The following CDYL variants were observed in gnomAD, a reference collection of about 807,000 sequenced individuals.
The protein encoded by CDYL is chromodomain Y like.
CDYL carries 8 observed loss-of-function variants against 47.3 expected under a neutral mutation model. The ratio of observed to expected loss-of-function variants is 0.17; its 90% CI spans 0.10 to 0.31. CDYL has a LOEUF of 0.31. Among genes scored for constraint, CDYL ranks in the 10% least tolerant of loss-of-function variants. The probability of loss-of-function intolerance (pLI) is 1.00; values close to 1 mark genes in which losing one functional copy is unlikely to be tolerated. For missense variants in CDYL, 471 were observed against 701.4 expected (o/e 0.67, Z 3.71); for synonymous variants, 266 against 265.0 (o/e 1.00, Z -0.04).
intron 5 of CDYL, 53 bp from the exon 6 acceptor site, chr6:4,952,213 C>G (rs547583330): frequency 1.3e-6 from 2 of 1,582,976 alleles, no homozygotes; most frequent in Non-Finnish European, 1.7e-6. Context: ...GATGGGTCTT[C>G]CCCGCCCGCC....
chr6:4,760,902 G>A (rs62384843), intron 3 of CDYL, among the ~76,000 whole-genome samples: 4 of 150,478 alleles, frequency 2.7e-5, no homozygotes, highest in Admixed American at 6.6e-5. Flanking sequence ...ACTCCCAGCC[G>A]CATCCCAACC....
intron 1 of CDYL, among the ~76,000 whole-genome samples, chr6:4,810,433 C>A (rs1035993709): frequency 1.3e-5 from 2 of 152,166 alleles, no homozygotes; most frequent in South Asian, 4.1e-4. Context: ...GTCAGAGTTA[C>A]TTTCAGATTT....
chr6:4,764,358 C>T (rs987322023), intron 3 of CDYL, among the ~76,000 whole-genome samples: 3 of 152,052 alleles, frequency 2.0e-5, no homozygotes, highest in South Asian at 2.1e-4. Context: ...GGCATGATCT[C>T]GGCTCACTGC....
At chr6:4,731,964 ATATAT>A (rs1307813434) in intron 2 of CDYL, among the ~76,000 whole-genome samples, 38 of 152,188 alleles carry the variant, frequency 2.5e-4, no homozygotes, top group Admixed American at 2.5e-3. Context: ...TTATTTTATA[ATATAT>A]TCTCTTGTAT....
intron 1 of CDYL, among the ~76,000 whole-genome samples, chr6:4,820,805 TG>T (rs2127448417): frequency 6.6e-6 from 1 of 152,270 alleles, no homozygotes; most frequent in Admixed American, 6.5e-5. Context: ...AAAACGCCTG[TG>T]AAAATAGAAA....
chr6:4,837,940 A>ATT (rs61308950), intron 1 of CDYL, among the ~76,000 whole-genome samples: 290 of 141,922 alleles, frequency 2.0e-3, no homozygotes, highest in African/African-American at 6.7e-3. Flanking sequence ...AACCCAGCTA[A>ATT]TTTTTTTTTT....
chr6:4,737,596 G>A (rs928068302), intron 3 of CDYL, among the ~76,000 whole-genome samples: 66 of 151,302 alleles, frequency 4.4e-4, no homozygotes, highest in African/African-American at 1.5e-3. Context: ...GCAGTGAGCC[G>A]TGATCATGTT....
At chr6:4,735,741 G>A (rs539268150) in intron 3 of CDYL, among the ~76,000 whole-genome samples, 16 of 152,140 alleles carry the variant, frequency 1.1e-4, no homozygotes, top group African/African-American at 3.6e-4. Context: ...ACTCTAGCAC[G>A]GGCAACAAGA....
intron 4 of CDYL, among the ~76,000 whole-genome samples, chr6:4,939,991 C>T (rs77984029): frequency 0.1 from 15,435 of 152,170 alleles, 965 homozygotes; most frequent in South Asian, 0.16. Flanking sequence ...GGTGCCTCGC[C>T]GGGTGCAGCT....
At chr6:4,844,942 A>T (rs1283842373) in intron 1 of CDYL, among the ~76,000 whole-genome samples, 1 of 152,158 alleles carries the variant, frequency 6.6e-6, no homozygotes, top group Non-Finnish European at 1.5e-5. Flanking sequence ...TGCCTTTTTC[A>T]TTCTTTTGAA....
rs1758079908 is a variant in CDYL at position 4,756,604 on chromosome 6, G to GTGTGTT, written c.186+21765_186+21766insTTGTGT. On this transcript the variant is annotated intron_variant, in intron 3 of 8. Coordinates refer to the CDYL transcript ENST00000328908. ...TATGTGTGTGTGTGTGTGTGTGTGTGTGTGTGTGTGTATCTTGCCTCCTTG... is the reference window on the plus strand; with the variant it reads ...TATGTGTGTGTGTGTGTGTGTGTGTGTGTGTTTGTGTGTGTGTATCTTGCCTCCTTG... 5.9e-5 allele frequency among the ~76,000 whole-genome samples: 9 copies of GTGTGTT among 152,048 alleles called. No homozygotes were observed. In the South Asian group the frequency reaches 1.9e-3, roughly 32 times the overall value.
At chr6:4,733,661 C>A (rs1757649839) in intron 2 of CDYL, among the ~76,000 whole-genome samples, 1 of 152,140 alleles carries the variant, frequency 6.6e-6, no homozygotes, top group Non-Finnish European at 1.5e-5. Context: ...AAGACTCCAT[C>A]TCAGGTATGA....
chr6:4,880,204 C>T (rs1248113058), intron 1 of CDYL, among the ~76,000 whole-genome samples: 1 of 152,132 alleles, frequency 6.6e-6, no homozygotes, highest in Admixed American at 6.5e-5. Flanking sequence ...CCTACCCTCT[C>T]TTAGCAACCA....
At chr6:4,750,487 C>A (rs549398463) in intron 3 of CDYL, among the ~76,000 whole-genome samples, 352 of 152,194 alleles carry the variant, frequency 2.3e-3, no homozygotes, top group Non-Finnish European at 4.2e-3. Context: ...TAGGCGTGAG[C>A]CACCATGCCC....
intron 1 of CDYL, among the ~76,000 whole-genome samples, chr6:4,782,665 A>G (rs1318256117): frequency 6.6e-6 from 1 of 152,202 alleles, no homozygotes; most frequent in Non-Finnish European, 1.5e-5. Flanking sequence ...GAAAATTTAA[A>G]CAAGTACATA....
chr6:4,941,770 C>T (rs1249494799), intron 4 of CDYL, among the ~76,000 whole-genome samples: 2 of 152,046 alleles, frequency 1.3e-5, no homozygotes, highest in African/African-American at 4.8e-5. Context: ...CTTCTTATTA[C>T]CTTGACTTTG....
At chr6:4,893,873 G>A (rs988003261) in intron 2 of CDYL, among the ~76,000 whole-genome samples, 2 of 152,224 alleles carry the variant, frequency 1.3e-5, no homozygotes, top group African/African-American at 4.8e-5. Flanking sequence ...CATTCAACAG[G>A]TTTTCTCCTC....
intron 2 of CDYL, among the ~76,000 whole-genome samples, chr6:4,918,718 C>G (rs1757626163): frequency 6.6e-6 from 1 of 152,180 alleles, no homozygotes; most frequent in Admixed American, 6.5e-5. Context: ...TCCCTTTCCT[C>G]AGTGTTTTTA....
intron 1 of CDYL, among the ~76,000 whole-genome samples, chr6:4,882,722 C>A (rs550350676): frequency 6.6e-6 from 1 of 152,094 alleles, no homozygotes; most frequent in South Asian, 2.1e-4. Context: ...TGTAGTGGAC[C>A]CTGGCAGCTT....
Sources: allele counts gnomAD v4.1 joint callset (sites outside exome capture counted in the v4.1 genomes callset), GRCh38; gene constraint gnomAD v4.1.1; transcripts MANE v1.5; gene names NCBI Gene and HGNC (gene_info 2026-07-23, HGNC 2026-07-21).